The following IL1RAPL2 variants were observed in gnomAD, a reference collection of about 807,000 sequenced individuals.
The protein encoded by IL1RAPL2 is X-linked interleukin-1 receptor accessory protein-like 2.
In IL1RAPL2, 3 loss-of-function variants were observed where a neutral mutation model predicts 44.1. The ratio of observed to expected loss-of-function variants is 0.07; its 90% confidence interval spans 0.03 to 0.18. The LOEUF (loss-of-function observed/expected upper bound fraction) is 0.18. IL1RAPL2 is among the 10% of genes least tolerant of loss of function. The pLI, the probability that IL1RAPL2 is intolerant of heterozygous loss-of-function variation, is 1.00. For synonymous variants in IL1RAPL2, 181 were observed against 178.8 expected (o/e 1.01, Z -0.10); for missense variants, 391 against 496.4 (o/e 0.79, Z 2.02).
chrX:104,653,738 CTGGG>C (rs1291730398), intron 1 of IL1RAPL2, among the ~76,000 whole-genome samples: 1 of 111,241 alleles, frequency 9.0e-6, no homozygotes, highest in African/African-American at 3.3e-5. Context: ...CTCTTATATT[CTGGG>C]TAAGGCTCTA....
In IL1RAPL2 at chrX:104,679,328, C is replaced by A. The variant is rs138576557; in HGVS notation, c.82+20333C>A. 3.6e-5 allele frequency among the ~76,000 whole-genome samples: 4 copies of A among 111,673 alleles called. No individual in the cohort carries two copies. In the Admixed American group the frequency reaches 3.8e-4, roughly 11 times the overall value. ...TGTTAGATAAAAACACCCTTAGGGGCCTTAACAATTTGTGGCCAGAATGAC... is the reference window on the plus strand; with the variant it reads ...TGTTAGATAAAAACACCCTTAGGGGACTTAACAATTTGTGGCCAGAATGAC... On this transcript the variant is annotated intron_variant, in intron 2 of 10. Coordinates refer to ENST00000372582, the MANE Select transcript of IL1RAPL2 (RefSeq NM_017416.2).
chrX:105,553,208 AGAAAAAC>A (rs2036871557), intron 6 of IL1RAPL2, among the ~76,000 whole-genome samples: 2 of 111,956 alleles, frequency 1.8e-5, no homozygotes, highest in South Asian at 7.5e-4. Flanking sequence ...AGATAATCAT[AGAAAAAC>A]ATGGCCCAAA....
chrX:105,307,597 A>ATATTATATATAATATATATTT (rs2034758456), intron 5 of IL1RAPL2, among the ~76,000 whole-genome samples: 1 of 48,754 alleles, frequency 2.1e-5, no homozygotes, highest in Non-Finnish European at 3.1e-5. Flanking sequence ...TTTCTATTAT[A>ATATTATATATAATATATATTT]TATATTATAT....
intron 10 of IL1RAPL2, among the ~76,000 whole-genome samples, chrX:105,761,732 G>A (rs1002282832): frequency 8.9e-6 from 1 of 111,931 alleles, no homozygotes; most frequent in Non-Finnish European, 1.9e-5. Context: ...GTGCATAACT[G>A]TGAATTTAAG....
chrX:105,483,503 T>C (rs894583913), intron 5 of IL1RAPL2, among the ~76,000 whole-genome samples: 2 of 111,598 alleles, frequency 1.8e-5, no homozygotes, highest in Non-Finnish European at 3.8e-5. Flanking sequence ...TCTCTGCCTT[T>C]CCAAATCTTC....
intron 1 of IL1RAPL2, among the ~76,000 whole-genome samples, chrX:104,596,784 G>C (rs1332593562): frequency 9.0e-6 from 1 of 111,391 alleles, no homozygotes. Flanking sequence ...ACGTTTTCCA[G>C]AATGGAGAGA....
At chrX:104,914,769 T>C (rs1602813977) in intron 2 of IL1RAPL2, among the ~76,000 whole-genome samples, 1 of 108,630 alleles carries the variant, frequency 9.2e-6, no homozygotes, top group Non-Finnish European at 1.9e-5. Flanking sequence ...CCTGTGTCCA[T>C]GTGTTCTCAT....
chrX:104,865,207 T>C (rs1602767165), intron 2 of IL1RAPL2, among the ~76,000 whole-genome samples: 1 of 111,728 alleles, frequency 9.0e-6, no homozygotes, highest in African/African-American at 3.3e-5. Context: ...CAGAGGTTAG[T>C]GCCACCAACA....
intron 5 of IL1RAPL2, among the ~76,000 whole-genome samples, chrX:105,332,883 C>T (rs1241014109): frequency 9.0e-6 from 1 of 111,360 alleles, no homozygotes; most frequent in Non-Finnish European, 1.9e-5. Context: ...AAAAATTGGA[C>T]AAATATTCCA....
chrX:104,979,807 G>A (rs183568794), intron 2 of IL1RAPL2, among the ~76,000 whole-genome samples: 1 of 111,947 alleles, frequency 8.9e-6, no homozygotes, highest in African/African-American at 3.2e-5. Context: ...TTCCCCTAAA[G>A]GGACATTTGG....
At chrX:105,479,994 T>C (rs1298912982) in intron 5 of IL1RAPL2, among the ~76,000 whole-genome samples, 1 of 111,084 alleles carries the variant, frequency 9.0e-6, no homozygotes, top group African/African-American at 3.3e-5. Flanking sequence ...GAGGATCCAT[T>C]TCATTGACCA....
At chrX:104,945,866 T>C (rs779625932) in intron 2 of IL1RAPL2, among the ~76,000 whole-genome samples, 3 of 111,101 alleles carry the variant, frequency 2.7e-5, no homozygotes, top group Admixed American at 1.9e-4. Context: ...TAGACCTTTT[T>C]TGAACTTCAT....
intron 2 of IL1RAPL2, among the ~76,000 whole-genome samples, chrX:104,717,227 G>A (rs1024119249): frequency 1.8e-5 from 2 of 110,942 alleles, no homozygotes; most frequent in Admixed American, 1.9e-4. Flanking sequence ...GAGAACACAT[G>A]GACACATAGA....
At chrX:104,711,400 C>A (rs1224868630) in intron 2 of IL1RAPL2, among the ~76,000 whole-genome samples, 1 of 110,883 alleles carries the variant, frequency 9.0e-6, no homozygotes, top group Non-Finnish European at 1.9e-5. Flanking sequence ...AGTTCAGTAT[C>A]ATTTAATAAG....
chrX:105,307,727 T>C (rs1199986463), intron 5 of IL1RAPL2, among the ~76,000 whole-genome samples: 1 of 91,120 alleles, frequency 1.1e-5, no homozygotes, highest in Admixed American at 1.5e-4. Flanking sequence ...GAAGGTAGTA[T>C]CCACCAGTGT....
intron 2 of IL1RAPL2, among the ~76,000 whole-genome samples, chrX:104,723,876 G>A (rs1237864864): frequency 9.0e-6 from 1 of 110,958 alleles, no homozygotes; most frequent in Non-Finnish European, 1.9e-5. Context: ...CAGGCTACAA[G>A]GTATTGTTGC....
chrX:104,702,144 A>C (rs1035650117), intron 2 of IL1RAPL2, among the ~76,000 whole-genome samples: 1 of 111,059 alleles, frequency 9.0e-6, no homozygotes, highest in African/African-American at 3.3e-5. Context: ...TGCTCTTAGC[A>C]CCTCTAGATA....
At chrX:104,872,659 G>A (rs1001442614) in intron 2 of IL1RAPL2, among the ~76,000 whole-genome samples, 1 of 111,340 alleles carries the variant, frequency 9.0e-6, no homozygotes, top group Non-Finnish European at 1.9e-5. Flanking sequence ...CTGGACCCAG[G>A]CTTTAGGTCA....
At position 105,558,457 on chromosome X, in the gene IL1RAPL2, T is replaced by C. The variant is rs753785392; in HGVS notation, c.772+74070T>C. Among the ~76,000 whole-genome samples, 3 of 111,879 alleles carry C rather than the reference T, an allele frequency of 2.7e-5. No individual in the cohort carries two copies. In the South Asian group the frequency reaches 1.1e-3, roughly 41 times the overall value. On this transcript the variant is annotated intron_variant, in intron 6 of 10. Transcript: ENST00000372582. ...TTGTTTATGTGAAGCAACTTCTTGA[T>C]TGTCCAGAAGGGAAGGACTTCCTTT...
Sources: gnomAD v4.1 joint callset for allele counts (sites outside exome capture counted in the v4.1 genomes callset) on GRCh38, gnomAD v4.1.1 for gene constraint, MANE v1.5 for transcripts, NCBI Gene and HGNC (gene_info 2026-07-23, HGNC 2026-07-21) for gene names.